Variants in MPDZ observed in about 807,000 individuals in gnomAD.
MPDZ encodes multiple PDZ domain protein.
In MPDZ, 234 loss-of-function variants were observed where a neutral mutation model predicts 239.1. The observed-to-expected ratio is 0.98, with a 90% CI of 0.88 to 1.09. The LOEUF is 1.09. MPDZ is among the 50% of genes least tolerant of loss of function. The probability of loss-of-function intolerance (pLI) is 0.00; values close to 1 mark genes in which losing one functional copy is unlikely to be tolerated. For missense variants in MPDZ, 3,175 were observed against 2,510.0 expected, an observed-to-expected ratio of 1.26 and a Z score of -5.66; for synonymous variants, 1,048 against 881.3, an observed-to-expected ratio of 1.19 and a Z score of -3.35.
intron 1 of MPDZ, 124 bp downstream of exon 1, chr9:13,279,275 AT>A (rs1975070786): frequency 7.3e-5 from 2 of 27,406 alleles, no homozygotes; most frequent in Non-Finnish European, 1.8e-4. Flanking sequence ...CCCCACCCCC[AT>A]CCCCGCCCCC....
At chr9:13,165,276 T>C in intron 22 of MPDZ, 5 of 1,250,932 alleles carry the variant, frequency 4.0e-6, no homozygotes, top group Non-Finnish European at 5.6e-6. Flanking sequence ...GGATCTATTC[T>C]TGCATTGGGA....
At chr9:13,135,512 C>T (rs1329812911) in intron 31 of MPDZ, 3 of 152,138 alleles carry the variant, frequency 2.0e-5, no homozygotes, top group Non-Finnish European at 4.4e-5. Flanking sequence ...TGATTTTTCT[C>T]TACAGTACTG....
Position 13,216,880 on chromosome 9 carries a change from T to C in MPDZ, c.1202-18A>G. 6.3e-7 allele frequency: 1 copy of C among 1,581,906 alleles called. No homozygotes were observed. Among genetic ancestry groups the C allele is most frequent in the Non-Finnish European group, 8.6e-7 (1 of 1,156,500 alleles). The stretch of plus-strand genomic sequence containing the variant: ...TGAAGGTTCTAAGATTAGAAATAGT[T>C]TATTTTTCACAATTTTCAAAGCACA... On this transcript the variant is annotated intron_variant, in intron 9 of 46. Coordinates refer to ENST00000319217, the MANE Select transcript of MPDZ (RefSeq NM_001378778.1).
At chr9:13,252,643 G>A (rs926171296) in intron 1 of MPDZ, among the ~76,000 whole-genome samples, 1 of 151,438 alleles carries the variant, frequency 6.6e-6, no homozygotes, top group Non-Finnish European at 1.5e-5. Flanking sequence ...GAGCTCAGGA[G>A]TTCGAGACCA....
chr9:13,267,864 G>T (rs1230110697), intron 1 of MPDZ, among the ~76,000 whole-genome samples: 1 of 152,124 alleles, frequency 6.6e-6, no homozygotes, highest in African/African-American at 2.4e-5. Context: ...GGTTACAGAC[G>T]CACAGGAAGA....
intron 43 of MPDZ, 61 bp from the exon 44 acceptor site, chr9:13,110,801 G>C: frequency 8.6e-7 from 1 of 1,161,442 alleles, no homozygotes; most frequent in Non-Finnish European, 1.3e-6. Flanking sequence ...GGGTCTTTGA[G>C]ACCTAAGTAT....
chr9:13,182,042 C>T (rs1025117217), intron 19 of MPDZ, among the ~76,000 whole-genome samples: 1 of 152,114 alleles, frequency 6.6e-6, no homozygotes, highest in African/African-American at 2.4e-5. Context: ...GCAAGGATAA[C>T]AGGTGCACCT....
chr9:13,165,230 A>T (rs948066102), intron 22 of MPDZ: 7 of 840,252 alleles, frequency 8.3e-6, no homozygotes, highest in Non-Finnish European at 1.1e-5. Flanking sequence ...TTAAACAAAG[A>T]AAACAATCTA....
rs1338104073 is a variant in MPDZ at position 13,183,433 on chromosome 9, T to TG, written c.2633dup (p.Ser879IlefsTer5). On this transcript the variant is annotated frameshift_variant, in exon 19 of 47. Transcript: ENST00000319217. LOFTEE classifies it high-confidence loss of function. Reference sequence around the variant, plus strand: ...TCCTTTGTACCTTAGGAGGAGATGATGGAAGGGAAGAACCATAGTTCAGGC... The same window carrying TG: ...TCCTTTGTACCTTAGGAGGAGATGATGGGAAGGGAAGAACCATAGTTCAGGC... 6.2e-7 allele frequency: 1 copy of TG among 1,606,800 alleles called. No individual in the cohort carries two copies.
chr9:13,208,040 G>A (rs1034799387), intron 10 of MPDZ, among the ~76,000 whole-genome samples: 1 of 152,152 alleles, frequency 6.6e-6, no homozygotes, highest in African/African-American at 2.4e-5. Context: ...GCATAGTGGG[G>A]CCATATTAGG....
intron 24 of MPDZ, among the ~76,000 whole-genome samples, chr9:13,156,631 G>A (rs762616986): frequency 2.6e-5 from 4 of 152,126 alleles, no homozygotes; most frequent in Admixed American, 6.6e-5. Flanking sequence ...GGGAATTATG[G>A]GAGCTACAAG....
chr9:13,235,970 A>G (rs1963833376), intron 3 of MPDZ, among the ~76,000 whole-genome samples: 1 of 151,990 alleles, frequency 6.6e-6, no homozygotes, highest in South Asian at 2.1e-4. Context: ...AACCTGTTAA[A>G]TGACAAAATC....
intron 39 of MPDZ, among the ~76,000 whole-genome samples, chr9:13,115,666 G>C (rs1029832497): frequency 6.6e-6 from 1 of 151,826 alleles, no homozygotes; most frequent in African/African-American, 2.4e-5. Flanking sequence ...GAATAACTGA[G>C]GGTTTAAAAA....
At chr9:13,223,792 G>C (rs1203886200) in intron 4 of MPDZ, 82 bp from the exon 5 acceptor site, 1 of 1,431,904 alleles carries the variant, frequency 7.0e-7, no homozygotes, top group Non-Finnish European at 9.3e-7. Context: ...AGCACTTTGG[G>C]AGGCCAAGGT....
At chr9:13,216,665 A>C (rs1958384151) in intron 10 of MPDZ, 109 bp downstream of exon 10, 3 of 704,174 alleles carry the variant, frequency 4.3e-6, no homozygotes, top group Admixed American at 3.2e-5. Flanking sequence ...TCACCAAAAA[A>C]GCTTAAATTA....
At chr9:13,232,286 T>C (rs1291510852) in intron 3 of MPDZ, among the ~76,000 whole-genome samples, 1 of 152,122 alleles carries the variant, frequency 6.6e-6, no homozygotes, top group Non-Finnish European at 1.5e-5. Flanking sequence ...AGCAAAACAA[T>C]TAGAAACTAA....
chr9:13,275,031 T>C (rs753420475), intron 1 of MPDZ, among the ~76,000 whole-genome samples: 23 of 152,164 alleles, frequency 1.5e-4, no homozygotes, highest in Non-Finnish European at 2.8e-4. Flanking sequence ...AAAGATAAAA[T>C]ACCTTTGTCC....
intron 19 of MPDZ, among the ~76,000 whole-genome samples, chr9:13,179,839 T>C (rs1415929805): frequency 6.6e-6 from 1 of 152,160 alleles, no homozygotes; most frequent in East Asian, 1.9e-4. Flanking sequence ...CCAGATAATA[T>C]ATTTACAAAA....
intron 21 of MPDZ, among the ~76,000 whole-genome samples, chr9:13,173,264 T>C (rs946256779): frequency 6.6e-6 from 1 of 152,128 alleles, no homozygotes; most frequent in Non-Finnish European, 1.5e-5. Context: ...ATGATGAAAA[T>C]GGTCAATTTT....
Sources: allele counts gnomAD v4.1 joint callset (sites outside exome capture counted in the v4.1 genomes callset), GRCh38; gene constraint gnomAD v4.1.1; transcripts MANE v1.5; gene names NCBI Gene and HGNC (gene_info 2026-07-23, HGNC 2026-07-21).